Variants in KATNBL1 observed in about 807,000 individuals in gnomAD.
KATNBL1 encodes the protein KATNB1-like protein 1.
Under a neutral mutation model 44.7 loss-of-function variants are expected in KATNBL1, and 28 were observed. The ratio of observed to expected loss-of-function variants is 0.63; its 90% CI spans 0.46 to 0.86. The LOEUF is 0.86. Among genes scored for constraint, KATNBL1 ranks in the 40% least tolerant of loss-of-function variants. KATNBL1 has a pLI of 0.00. For missense variants in KATNBL1, 272 were observed against 350.7 expected (o/e 0.78, Z 1.79); for synonymous variants, 78 against 114.9 (o/e 0.68, Z 2.06).
intron 1 of KATNBL1, among the ~76,000 whole-genome samples, chr15:34,200,830 T>A (rs926731934): frequency 6.6e-6 from 1 of 151,978 alleles, no homozygotes; most frequent in Non-Finnish European, 1.5e-5. Context: ...TTTTGTTTTG[T>A]TTTTTGAGAC....
chr15:34,157,235 A>G (rs1888664722), intron 2 of KATNBL1, among the ~76,000 whole-genome samples: 4 of 152,228 alleles, frequency 2.6e-5, no homozygotes, highest in Admixed American at 2.6e-4. Flanking sequence ...TAAGAGGATC[A>G]AACCCGTTTT....
intron 2 of KATNBL1, among the ~76,000 whole-genome samples, chr15:34,160,316 C>G (rs1597434623): frequency 6.6e-6 from 1 of 152,122 alleles, no homozygotes; most frequent in East Asian, 1.9e-4. Flanking sequence ...TTTTTGCCTT[C>G]TGCTTTTCTC....
rs1013710817 is a variant in KATNBL1 at position 34,141,319 on chromosome 15, C to T, written c.*1020G>A. 1 of 152,446 alleles carries T rather than the reference C, an allele frequency of 6.6e-6. No homozygotes were observed. The highest frequency in any genetic ancestry group is 1.5e-5 in the Non-Finnish European group (1 of 67,982). The allele number at this position is 152,446 out of a possible 1,614,324, so 9.4% of individuals were successfully genotyped here. On this transcript the variant is annotated 3_prime_UTR_variant, in exon 10 of 10. Coordinates refer to ENST00000256544, the MANE Select transcript of KATNBL1 (RefSeq NM_024713.3). Reference sequence around the variant, plus strand: ...ATTAACTGTAAACCATTCTAAATCACTGTATGTAACTCTTTAAAACATATG... The same window carrying T: ...ATTAACTGTAAACCATTCTAAATCATTGTATGTAACTCTTTAAAACATATG...
chr15:34,146,075 A>C (rs1464813931), intron 8 of KATNBL1: 2 of 151,448 alleles, frequency 1.3e-5, no homozygotes, highest in African/African-American at 2.4e-5. Flanking sequence ...CAGCCTGAGT[A>C]GCTGGGACTA....
chr15:34,184,253 C>A (rs1053557514), intron 1 of KATNBL1, among the ~76,000 whole-genome samples: 1 of 151,218 alleles, frequency 6.6e-6, no homozygotes, highest in South Asian at 2.1e-4. Flanking sequence ...TTGCAGTGAG[C>A]CGAGATCGCG....
At chr15:34,162,505 G>A (rs1203019515) in intron 2 of KATNBL1, among the ~76,000 whole-genome samples, 1 of 152,132 alleles carries the variant, frequency 6.6e-6, no homozygotes, top group Non-Finnish European at 1.5e-5. Flanking sequence ...CATGAAAACG[G>A]AATAATACAA....
chr15:34,204,397 C>T (rs1890242463), intron 1 of KATNBL1, among the ~76,000 whole-genome samples: 1 of 152,134 alleles, frequency 6.6e-6, no homozygotes, highest in Non-Finnish European at 1.5e-5. Context: ...TTACAGTTGT[C>T]CCTCAGTATC....
At chr15:34,194,296 TAAA>T (rs553866774) in intron 1 of KATNBL1, among the ~76,000 whole-genome samples, 588 of 152,222 alleles carry the variant, frequency 3.9e-3, no homozygotes, top group Non-Finnish European at 7.2e-3. Flanking sequence ...TCCTACATGT[TAAA>T]AGATTTTTTT....
At chr15:34,172,256 C>CTTTT (rs59733560) in intron 1 of KATNBL1, among the ~76,000 whole-genome samples, 14 of 96,614 alleles carry the variant, frequency 1.4e-4, no homozygotes, top group African/African-American at 3.9e-4. Context: ...GGAACATATT[C>CTTTT]TTTTTTTTTT....
chr15:34,180,239 G>T (rs1234354461), intron 1 of KATNBL1, among the ~76,000 whole-genome samples: 2 of 150,052 alleles, frequency 1.3e-5, no homozygotes, highest in Non-Finnish European at 3.0e-5. Flanking sequence ...TTAACTCTTT[G>T]TAATCTTGCT....
chr15:34,178,096 A>G (rs1889390388), intron 1 of KATNBL1: 1 of 152,226 alleles, frequency 6.6e-6, no homozygotes, highest in Admixed American at 6.5e-5. Context: ...AACTAACCCA[A>G]AGACAGTTAA....
At chr15:34,165,245 G>C (rs1355583465) in intron 1 of KATNBL1, among the ~76,000 whole-genome samples, 1 of 152,140 alleles carries the variant, frequency 6.6e-6, no homozygotes, top group Non-Finnish European at 1.5e-5. Context: ...GCTTACATTG[G>C]GGGCGACTTA....
chr15:34,188,137 T>TAAAAGAAAAAAA (rs1889769211), intron 1 of KATNBL1, among the ~76,000 whole-genome samples: 1 of 22,084 alleles, frequency 4.5e-5, no homozygotes, highest in East Asian at 2.2e-3. Flanking sequence ...AGACGCCATG[T>TAAAAGAAAAAAA]AAAAAAAAAA....
intron 1 of KATNBL1, among the ~76,000 whole-genome samples, chr15:34,184,566 C>G (rs1030351555): frequency 3.6e-5 from 2 of 55,048 alleles, no homozygotes; most frequent in African/African-American, 1.3e-4. Context: ...TCCTGTCTCT[C>G]CTAATGTTTC....
At chr15:34,179,505 T>C (rs1202874154) in intron 1 of KATNBL1, among the ~76,000 whole-genome samples, 1 of 152,130 alleles carries the variant, frequency 6.6e-6, no homozygotes, top group African/African-American at 2.4e-5. Flanking sequence ...TATTTTTTTT[T>C]GTTTGTTTTT....
intron 1 of KATNBL1, chr15:34,208,938 G>A (rs1890362273): frequency 6.6e-6 from 1 of 152,198 alleles, no homozygotes. Flanking sequence ...CGGTACAAAA[G>A]TTACAATACT....
chr15:34,194,765 C>T (rs1402290920), intron 1 of KATNBL1, among the ~76,000 whole-genome samples: 3 of 152,122 alleles, frequency 2.0e-5, no homozygotes, highest in African/African-American at 7.2e-5. Flanking sequence ...TGAACAAAAA[C>T]CCCCAAATAA....
chr15:34,193,858 A>AG lies in KATNBL1; in HGVS notation c.-15+16092_-15+16093insC, dbSNP rs1332244035. On this transcript the variant is annotated intron_variant, in intron 1 of 9. Transcript: ENST00000256544. ...CAGAGAAAGGCCCTGTCTCAAAAAA[A>AG]AAAAAAAAAAAAAAAAAAAAAATCA... Among the ~76,000 whole-genome samples, 705 of 129,782 alleles carry AG rather than the reference A, an allele frequency of 5.4e-3. 4 individuals carry two copies. The highest frequency in any genetic ancestry group is 0.018 in the African/African-American group (676 of 37,974). The allele number at this position is 129,782 out of a possible 152,430, so 85.1% of individuals were successfully genotyped here. A position where few individuals can be genotyped will look rare whatever the true frequency, so the allele number is the denominator to read the frequency against.
chr15:34,154,681 T>C lies in KATNBL1; in HGVS notation c.121A>G (p.Lys41Glu), dbSNP rs1026955554. 2.5e-6 allele frequency: 4 copies of C among 1,578,728 alleles called. No individual in the cohort carries two copies. Among genetic ancestry groups the C allele is most frequent in the Non-Finnish European group, 3.5e-6 (4 of 1,148,264 alleles). ...NFTNKNMKEV[K>E]KSPKQLAAYI... ...GCAGCCAACTGTTTTGGAGATTTCT[T>C]AACCTGAAAAATGAAAGTAGATAGT... is the stretch of plus-strand genomic sequence containing the variant. The change falls in exon 3 of 10, where the codon AAG (lysine) becomes GAG (glutamate). Residue 41 changes from lysine (K) to glutamate (E), a missense_variant. Transcript: ENST00000256544.
Sources: allele counts gnomAD v4.1 joint callset (sites outside exome capture counted in the v4.1 genomes callset), GRCh38; gene constraint gnomAD v4.1.1; transcripts MANE v1.5; gene names NCBI Gene and HGNC (gene_info 2026-07-23, HGNC 2026-07-21).